Variants in AQP7B observed in about 807,000 individuals in gnomAD.
AQP7B encodes the protein putative aquaporin-7B.
At chr2:94,598,304 G>T in the AQP7B span, among the ~76,000 whole-genome samples, 2 of 152,180 alleles carry the variant, frequency 1.3e-5, no homozygotes, top group Non-Finnish European at 1.5e-5. Context: ...CCCATTTATT[G>T]CAGCCAGGAC....
chr2:94,590,440 G>A, the AQP7B span, among the ~76,000 whole-genome samples: 4 of 152,018 alleles, frequency 2.6e-5, no homozygotes, highest in Non-Finnish European at 4.4e-5. Flanking sequence ...CACCTGCCTC[G>A]GCCTCCTAAA....
At chr2:94,596,210 G>A in the AQP7B span, among the ~76,000 whole-genome samples, 1 of 152,222 alleles carries the variant, frequency 6.6e-6, no homozygotes, top group South Asian at 2.1e-4. Context: ...CCTTGACAAG[G>A]GTTCTTCTTT....
the AQP7B span, chr2:94,603,373 G>A: frequency 6.3e-7 from 1 of 1,598,092 alleles, no homozygotes; most frequent in Non-Finnish European, 8.6e-7. Context: ...GATAGTCTGT[G>A]TCTCCGCAGC....
chr2:94,604,423 T>C, the AQP7B span: 1 of 1,611,546 alleles, frequency 6.2e-7, no homozygotes, highest in Non-Finnish European at 8.5e-7. Flanking sequence ...CTGTGGCGTA[T>C]GAAGACCACG....
chr2:94,597,897 G>C, the AQP7B span, among the ~76,000 whole-genome samples: 1 of 152,074 alleles, frequency 6.6e-6, no homozygotes, highest in Non-Finnish European at 1.5e-5. Flanking sequence ...GAGTCACCGT[G>C]CCCAGCCCAA....
At chr2:94,595,238 C>A in the AQP7B span, among the ~76,000 whole-genome samples, 13 of 152,146 alleles carry the variant, frequency 8.5e-5, no homozygotes, top group Admixed American at 1.3e-4. Context: ...AGTTCGAAAC[C>A]AGCCTGGCCA....
At chr2:94,602,451 G>A in the AQP7B span, 2 of 1,579,662 alleles carry the variant, frequency 1.3e-6, no homozygotes, top group South Asian at 1.1e-5. Context: ...TGAGGTTGGG[G>A]CTTCTGGGCA....
At chr2:94,602,945 GT>G in the AQP7B span, 1 of 1,395,814 alleles carries the variant, frequency 7.2e-7, no homozygotes, top group Non-Finnish European at 9.7e-7. Context: ...AGAGCATGCT[GT>G]CATACACACT....
the AQP7B span, among the ~76,000 whole-genome samples, chr2:94,602,018 AGTGTGTGT>A: frequency 4.3e-3 from 601 of 139,946 alleles, 5 homozygotes; most frequent in African/African-American, 0.014. Context: ...ATTGCGGCGG[AGTGTGTGT>A]GTGTGTGTGT....
At chr2:94,602,954 A>G in the AQP7B span, 47 of 1,429,070 alleles carry the variant, frequency 3.3e-5, no homozygotes, top group South Asian at 5.5e-5. Context: ...TGTCATACAC[A>G]CTAGCCATCG....
chr2:94,592,812 CTTTTTTTTTTTT>C, the AQP7B span, among the ~76,000 whole-genome samples: 12 of 51,706 alleles, frequency 2.3e-4, no homozygotes, highest in Admixed American at 3.8e-4. Flanking sequence ...ATTAATTAAG[CTTTTTTTTTTTT>C]TTTTTTTTTT....
chr2:94,598,165 GTGT>G, the AQP7B span, among the ~76,000 whole-genome samples: 16 of 152,320 alleles, frequency 1.1e-4, no homozygotes, highest in East Asian at 2.3e-3. Context: ...ATCGGATATT[GTGT>G]TGTTGTTATT....
chr2:94,602,964 G>A, the AQP7B span: 7 of 1,467,560 alleles, frequency 4.8e-6, no homozygotes, highest in African/African-American at 4.2e-5. Context: ...ACTAGCCATC[G>A]TTGTTCTCAT....
chr2:94,596,235 A>G, the AQP7B span, among the ~76,000 whole-genome samples: 2 of 152,220 alleles, frequency 1.3e-5, no homozygotes, highest in African/African-American at 4.8e-5. Context: ...TGTGATTGGG[A>G]CAGTATCCAG....
At chr2:94,596,073 A>G in the AQP7B span, among the ~76,000 whole-genome samples, 7 of 152,238 alleles carry the variant, frequency 4.6e-5, no homozygotes, top group Non-Finnish European at 7.3e-5. Flanking sequence ...AGCTGACTGC[A>G]TGACAGAGGG....
the AQP7B span, among the ~76,000 whole-genome samples, chr2:94,588,700 C>G: frequency 4.9e-4 from 75 of 151,864 alleles, no homozygotes; most frequent in Non-Finnish European, 9.1e-4. Context: ...TCTGAGGTCC[C>G]AGAAGAAAAG....
At chr2:94,603,724 A>C in the AQP7B span, 1 of 1,497,132 alleles carries the variant, frequency 6.7e-7, no homozygotes, top group Non-Finnish European at 9.0e-7. Context: ...GTGGCTGACC[A>C]GGATGCTCCA....
chr2:94,603,210 A>G, the AQP7B span: 1 of 1,456,084 alleles, frequency 6.9e-7, no homozygotes, highest in South Asian at 1.2e-5. Flanking sequence ...CTCTGGCCTC[A>G]GCCGCCTCCT....
chr2:94,588,497 C>T, the AQP7B span: 3 of 688,360 alleles, frequency 4.4e-6, no homozygotes, highest in Non-Finnish European at 7.7e-6. Context: ...GGCTCCTCAG[C>T]ATCTACAAAT....
Sources: allele counts gnomAD v4.1 joint callset (sites outside exome capture counted in the v4.1 genomes callset), GRCh38; gene constraint gnomAD v4.1.1; transcripts MANE v1.5; gene names NCBI Gene and HGNC (gene_info 2026-07-23, HGNC 2026-07-21).